The following FAT1 variants were observed in gnomAD, a reference collection of about 807,000 sequenced individuals.
FAT1 encodes the protein FAT atypical cadherin 1, also known as protocadherin Fat 1.
In FAT1, 171 loss-of-function variants were observed where a neutral mutation model predicts 329.8. The observed-to-expected ratio is 0.52, with a 90% CI of 0.46 to 0.59. The LOEUF (loss-of-function observed/expected upper bound fraction) is 0.59. Among genes scored for constraint, FAT1 ranks in the 20% least tolerant of loss-of-function variants. The pLI is 0.00. For missense variants in FAT1, 5,672 were observed against 5,774.4 expected (o/e 0.98, Z 0.57); for synonymous variants, 2,233 against 2,228.6 (o/e 1.00, Z -0.06).
rs2126690429 is a variant in FAT1 at position 186,707,668 on chromosome 4, A to G, written c.2160T>C (p.Leu720=). 1 of 1,613,978 alleles carries G rather than the reference A, an allele frequency of 6.2e-7. No individual in the cohort carries two copies. The highest frequency in any genetic ancestry group is 8.5e-7 in the Non-Finnish European group (1 of 1,179,880). ...TTTCCTTTACCTGAATACCAGTCGG[A>G]AGAGTGCTTCTAAACTGCGGTATGT... ...NAHIPQFRST[L]PTGIQVKENQ... is the part of the protein sequence containing the mutation. The change falls in exon 2 of 27, where the codon CTT becomes CTC. Residue 720 remains leucine, a synonymous_variant. Transcript: ENST00000441802.
chr4:186,684,593 T>C (rs530669791), intron 2 of FAT1, among the ~76,000 whole-genome samples: 1 of 152,176 alleles, frequency 6.6e-6, no homozygotes, highest in Non-Finnish European at 1.5e-5. Flanking sequence ...ATAATTACCA[T>C]GTATTTTCTA....
At chr4:186,712,340 T>G (rs1232030576) in intron 1 of FAT1, among the ~76,000 whole-genome samples, 1 of 148,300 alleles carries the variant, frequency 6.7e-6, no homozygotes, top group African/African-American at 2.6e-5. Flanking sequence ...GAATGATTAC[T>G]GTGGCATTTT....
intron 21 of FAT1, 61 bp downstream of exon 21, chr4:186,601,208 T>C (rs1738798390): frequency 7.0e-7 from 1 of 1,419,364 alleles, no homozygotes; most frequent in Admixed American, 2.0e-5. Flanking sequence ...AATCTGAATA[T>C]AAAATGAAAT....
rs766084881 is a variant in FAT1 at position 186,609,846 on chromosome 4, C to T, written c.10023G>A (p.Thr3341=). Residue 3341 remains threonine, a synonymous_variant, in exon 15 of 27, where the codon ACG becomes ACA. Coordinates refer to ENST00000441802, the MANE Select transcript of FAT1 (RefSeq NM_005245.4). ...GAACGGCATCTTCACTGATGACTGTCGTGTAGGTGTCTTGGCTGAACACAG... is the reference window on the plus strand; with the variant it reads ...GAACGGCATCTTCACTGATGACTGTTGTGTAGGTGTCTTGGCTGAACACAG... ...NTPVFSQDTY[T]TVISEDAVLE... The T allele has an allele frequency of 1.4e-5, 22 of 1,613,706 alleles. No homozygotes were observed. Among genetic ancestry groups the T allele is most frequent in the South Asian group, 6.6e-5 (6 of 91,078 alleles).
In FAT1 at chr4:186,617,264, A is replaced by G. The variant is rs1739757609; in HGVS notation, c.8879-63T>C. 19 of 1,172,336 alleles carry G rather than the reference A, an allele frequency of 1.6e-5. No individual in the cohort carries two copies. In the South Asian group the frequency reaches 3.0e-4, roughly 18 times the overall value. 72.6% of individuals were successfully genotyped at this position (1,172,336 alleles called of 1,614,324 possible). A position where few individuals can be genotyped will look rare whatever the true frequency, so the allele number is the denominator to read the frequency against. On this transcript the variant is annotated intron_variant, in intron 10 of 26. Coordinates refer to ENST00000441802, the MANE Select transcript of FAT1 (RefSeq NM_005245.4). ...TTGAAAGGATAAAAATAAGTAACAG[A>G]AAAAATAAACTGTACAAAAGATGTA... is the stretch of plus-strand genomic sequence containing the variant.
intron 26 of FAT1, among the ~76,000 whole-genome samples, chr4:186,594,676 G>A (rs369363914): frequency 7.8e-6 from 1 of 128,350 alleles, no homozygotes; most frequent in African/African-American, 2.9e-5. Context: ...ATACTTGAAA[G>A]TATATATATA....
intron 2 of FAT1, among the ~76,000 whole-genome samples, chr4:186,691,252 T>G (rs1743747388): frequency 6.6e-6 from 1 of 152,214 alleles, no homozygotes; most frequent in African/African-American, 2.4e-5. Context: ...TTGTTTTAGC[T>G]TATACAGAGT....
intron 2 of FAT1, among the ~76,000 whole-genome samples, chr4:186,672,745 G>GATTCA (rs916215086): frequency 2.6e-5 from 4 of 152,200 alleles, no homozygotes; most frequent in African/African-American, 9.7e-5. Flanking sequence ...GGGGAACTGG[G>GATTCA]ATTCAACCCT....
intron 2 of FAT1, among the ~76,000 whole-genome samples, chr4:186,677,337 A>C (rs1207194821): frequency 5.9e-5 from 9 of 152,170 alleles, no homozygotes; most frequent in Non-Finnish European, 1.3e-4. Context: ...ATGTCCTTTT[A>C]TGCTAACGCT....
In FAT1 at chr4:186,616,882, GCTTAATC is replaced by G. The variant is rs1739737977; in HGVS notation, c.9075+116_9075+122del. 9.7e-6 allele frequency: 8 copies of G among 826,636 alleles called. 1 individual carries two copies. In the Admixed American group the frequency reaches 2.3e-4, roughly 23 times the overall value. 51.2% of individuals were successfully genotyped at this position (826,636 alleles called of 1,614,324 possible). Reference sequence around the variant, plus strand: ...AAGTCTTACCCCATTTAACACCTCTGCTTAATCAGTAAGTGATCATAAAACACATGTG... The same window carrying G: ...AAGTCTTACCCCATTTAACACCTCTGAGTAAGTGATCATAAAACACATGTG... On this transcript the variant is annotated intron_variant, in intron 11 of 26. Coordinates refer to ENST00000441802, the MANE Select transcript of FAT1 (RefSeq NM_005245.4).
At chr4:186,633,908 T>C in intron 6 of FAT1, 85 bp from the exon 7 acceptor site, 1 of 1,458,526 alleles carries the variant, frequency 6.9e-7, no homozygotes. Flanking sequence ...TTAATGGCAC[T>C]GAAAAATCTT....
chr4:186,590,416 G>T (rs1354867853), intron 26 of FAT1: 1 of 1,288,594 alleles, frequency 7.8e-7, no homozygotes, highest in African/African-American at 1.5e-5. Flanking sequence ...TTTGGTGGCA[G>T]AGTAGAAAAA....
intron 9 of FAT1, among the ~76,000 whole-genome samples, chr4:186,625,629 C>A (rs1488787476): frequency 6.6e-6 from 1 of 152,230 alleles, no homozygotes; most frequent in Non-Finnish European, 1.5e-5. Flanking sequence ...TATTTTAATT[C>A]TCTAAACTCA....
At chr4:186,669,869 AG>A (rs1742649701) in intron 2 of FAT1, among the ~76,000 whole-genome samples, 1 of 152,208 alleles carries the variant, frequency 6.6e-6, no homozygotes, top group Admixed American at 6.5e-5. Flanking sequence ...ACGGTTCAAA[AG>A]TAAATCACAG....
intron 13 of FAT1, among the ~76,000 whole-genome samples, chr4:186,612,201 C>A (rs1739483204): frequency 1.4e-5 from 1 of 72,764 alleles, no homozygotes; most frequent in Non-Finnish European, 2.9e-5. Flanking sequence ...ATGACTATGA[C>A]CTTTAAAAGG....
chr4:186,634,753 G>T lies in FAT1; in HGVS notation c.4184-930C>A, dbSNP rs143240203. Among the ~76,000 whole-genome samples, 919 of 152,354 alleles carry T rather than the reference G, an allele frequency of 6.0e-3. 9 individuals carry two copies. The highest frequency in any genetic ancestry group is 0.02 in the African/African-American group (847 of 41,588). On this transcript the variant is annotated intron_variant, in intron 6 of 26. Coordinates refer to ENST00000441802, the MANE Select transcript of FAT1 (RefSeq NM_005245.4). ...CAGATACCTTCTGCTGTACAGGTCG[G>T]GTCACAAGTCATCTGAAAGATGTAA...
In FAT1 at chr4:186,708,186, G is replaced by A. The variant is rs769413470; in HGVS notation, c.1642C>T (p.Arg548Cys). Residue 548 changes from arginine (R) to cysteine (C), a missense_variant, in exon 2 of 27, where the codon CGC (arginine) becomes TGC (cysteine). By Grantham distance (180) the Arg-to-Cys change is radical. This residue lies in a region of FAT1 where 3,966 missense variants were observed against 3,915.2 expected (regional missense o/e 1.01). Coordinates refer to ENST00000441802, the MANE Select transcript of FAT1 (RefSeq NM_005245.4). ...IRASDWGLPY[R>C]REVEVLATIT... Reference sequence around the variant, plus strand: ...GTAGCAAGGACTTCGACTTCCCGGCGGTACGGCAAGCCCCAGTCTGATGCA... The same window carrying A: ...GTAGCAAGGACTTCGACTTCCCGGCAGTACGGCAAGCCCCAGTCTGATGCA... The A allele has an allele frequency of 1.7e-5, 28 of 1,613,864 alleles. 1 individual carries two copies. In the South Asian group the frequency reaches 2.3e-4, roughly 13 times the overall value.
intron 2 of FAT1, among the ~76,000 whole-genome samples, chr4:186,692,323 A>ATTTT (rs59626897): frequency 0.027 from 4,126 of 151,708 alleles, 64 homozygotes; most frequent in South Asian, 0.035. Context: ...TTATTTATTT[A>ATTTT]TTTTTTTGAG....
chr4:186,705,169 C>G (rs1220081825), intron 2 of FAT1, among the ~76,000 whole-genome samples: 1 of 149,388 alleles, frequency 6.7e-6, no homozygotes, highest in Non-Finnish European at 1.5e-5. Flanking sequence ...GTCTTGAACT[C>G]CTGGCCTCAA....
Sources: allele counts gnomAD v4.1 joint callset (sites outside exome capture counted in the v4.1 genomes callset), GRCh38; gene constraint gnomAD v4.1.1; regional missense constraint gnomAD v4.1.1; transcripts MANE v1.5; gene names NCBI Gene and HGNC (gene_info 2026-07-23, HGNC 2026-07-21).